Variants in SPATS2L observed in about 807,000 individuals in gnomAD.
SPATS2L encodes SPATS2-like protein.
Under a neutral mutation model 59.6 loss-of-function variants are expected in SPATS2L, and 30 were observed. The ratio of observed to expected loss-of-function variants is 0.50; its 90% CI spans 0.38 to 0.68. The LOEUF (loss-of-function observed/expected upper bound fraction) is 0.68. Ranked by LOEUF, SPATS2L falls within the 30% of genes least tolerant of loss-of-function variation. SPATS2L has a pLI of 0.00. For missense variants in SPATS2L, 615 were observed against 700.0 expected, an observed-to-expected ratio of 0.88 and a Z score of 1.37; for synonymous variants, 252 against 263.5, an observed-to-expected ratio of 0.96 and a Z score of 0.42.
intron 1 of SPATS2L, among the ~76,000 whole-genome samples, chr2:200,315,971 G>A (rs764119258): frequency 6.7e-6 from 1 of 150,322 alleles, no homozygotes. Context: ...CTTGCAGTGA[G>A]GGGAGATCGT....
chr2:200,369,583 A>G (rs939443055), intron 2 of SPATS2L, among the ~76,000 whole-genome samples: 2 of 152,162 alleles, frequency 1.3e-5, no homozygotes, highest in Admixed American at 1.3e-4. Flanking sequence ...TGAGCTGGAT[A>G]GTAAGTATAA....
chr2:200,441,876 T>G (rs1459454275), intron 8 of SPATS2L, among the ~76,000 whole-genome samples: 1 of 152,206 alleles, frequency 6.6e-6, no homozygotes, highest in Non-Finnish European at 1.5e-5. Context: ...TTCCAGGTCC[T>G]TGCTTTGACA....
chr2:200,367,492 C>G (rs116677679), intron 2 of SPATS2L, among the ~76,000 whole-genome samples: 2,786 of 152,274 alleles, frequency 0.018, 32 homozygotes, highest in South Asian at 0.035. Flanking sequence ...TCTGATGACT[C>G]AAAATCTTGG....
intron 1 of SPATS2L, among the ~76,000 whole-genome samples, chr2:200,329,011 C>A (rs1363506099): frequency 2.0e-5 from 3 of 152,172 alleles, no homozygotes; most frequent in Non-Finnish European, 4.4e-5. Context: ...TTTCCAACAC[C>A]TGTAAAGTGC....
At chr2:200,425,303 A>G (rs554255508) in intron 6 of SPATS2L, among the ~76,000 whole-genome samples, 2 of 152,142 alleles carry the variant, frequency 1.3e-5, no homozygotes, top group East Asian at 1.9e-4. Flanking sequence ...TCTAAGCCCT[A>G]TATTGGACAG....
rs1251894574 is a variant in SPATS2L, at chr2:200,314,789, A to G, written c.-73+7867A>G. ...TGGGCACTGGAAATACAGCTAGTCC[A>G]AGTTGAGATGTGCGTAAGTGTAAAA... On this transcript the variant is annotated intron_variant, in intron 1 of 12. Coordinates refer to ENST00000409140, the MANE Select transcript of SPATS2L (RefSeq NM_001100423.2). Among the ~76,000 whole-genome samples the G allele has an allele frequency of 2.6e-5, 4 of 152,252 alleles. No homozygotes were observed. The East Asian group carries it at 7.7e-4, about 29-fold the overall frequency.
intron 10 of SPATS2L, 39 bp from the exon 11 acceptor site, chr2:200,469,875 G>T: frequency 6.5e-7 from 1 of 1,535,618 alleles, no homozygotes; most frequent in Admixed American, 1.9e-5. Flanking sequence ...GGTCATTTCT[G>T]TAATCATGGG....
chr2:200,383,367 C>T (rs899828460), intron 2 of SPATS2L, among the ~76,000 whole-genome samples: 2 of 152,216 alleles, frequency 1.3e-5, no homozygotes, highest in Middle Eastern at 3.4e-3. Flanking sequence ...AACATATAGT[C>T]GATATAAAAA....
chr2:200,380,549 G>A (rs3754796), intron 2 of SPATS2L, among the ~76,000 whole-genome samples: 8,378 of 152,248 alleles, frequency 0.055, 455 homozygotes, highest in Admixed American at 0.19. Flanking sequence ...CTGAAAGCAG[G>A]CCTTTTCAAA....
chr2:200,340,594 G>A (rs996427094), intron 2 of SPATS2L, among the ~76,000 whole-genome samples: 1 of 152,062 alleles, frequency 6.6e-6, no homozygotes, highest in African/African-American at 2.4e-5. Flanking sequence ...CAGGAGGTGG[G>A]GAGGGCTGTG....
At chr2:200,454,126 C>G (rs1369969300) in intron 8 of SPATS2L, among the ~76,000 whole-genome samples, 1 of 152,214 alleles carries the variant, frequency 6.6e-6, no homozygotes, top group Admixed American at 6.5e-5. Context: ...TCCTCTCACT[C>G]TAGTCTCCCT....
At chr2:200,409,503 G>A (rs898764388) in intron 3 of SPATS2L, among the ~76,000 whole-genome samples, 1 of 152,110 alleles carries the variant, frequency 6.6e-6, no homozygotes, top group African/African-American at 2.4e-5. Flanking sequence ...CATTTCCATA[G>A]GAAAATAAAC....
rs79234921 is a variant in SPATS2L at position 200,312,734 on chromosome 2, G to A, written c.-73+5812G>A. Among the ~76,000 whole-genome samples the A allele has an allele frequency of 3.6e-3, 544 of 152,294 alleles. 5 individuals are homozygous for A. The highest frequency in any genetic ancestry group is 0.013 in the African/African-American group (524 of 41,550). On this transcript the variant is annotated intron_variant, in intron 1 of 12. Transcript: ENST00000409140. ...CCCAGGCAGTTTGCGGGCAGAAACT[G>A]CATATGCACTGAGATGAAGAAAGGA...
chr2:200,418,359 G>A (rs913319432), intron 5 of SPATS2L, among the ~76,000 whole-genome samples: 2 of 152,112 alleles, frequency 1.3e-5, no homozygotes, highest in Non-Finnish European at 2.9e-5. Flanking sequence ...AATCACTTGA[G>A]CCCAGAAGTT....
intron 1 of SPATS2L, among the ~76,000 whole-genome samples, chr2:200,311,558 G>A (rs997569233): frequency 2.0e-5 from 3 of 152,304 alleles, no homozygotes; most frequent in East Asian, 1.9e-4. Flanking sequence ...ATTTCAGACT[G>A]TATTTATTGC....
chr2:200,400,354 T>A (rs942339794), intron 3 of SPATS2L, among the ~76,000 whole-genome samples: 1 of 152,072 alleles, frequency 6.6e-6, no homozygotes, highest in Admixed American at 6.5e-5. Context: ...TCTGGGAAAA[T>A]ATGAGAAGAA....
chr2:200,458,117 C>G (rs927270012), intron 8 of SPATS2L, among the ~76,000 whole-genome samples: 1 of 152,272 alleles, frequency 6.6e-6, no homozygotes, highest in African/African-American at 2.4e-5. Flanking sequence ...AGGGGAGAAT[C>G]AAGCATTCAT....
chr2:200,352,847 A>C (rs1350301910), intron 2 of SPATS2L, among the ~76,000 whole-genome samples: 1 of 152,152 alleles, frequency 6.6e-6, no homozygotes, highest in Non-Finnish European at 1.5e-5. Flanking sequence ...AAAAACCTGC[A>C]TGTATGAGGG....
intron 12 of SPATS2L, among the ~76,000 whole-genome samples, chr2:200,474,255 G>C (rs2087319466): frequency 6.6e-6 from 1 of 151,902 alleles, no homozygotes; most frequent in African/African-American, 2.4e-5. Flanking sequence ...ATAGCACTTT[G>C]ACAAGGAGCA....
Sources: allele counts gnomAD v4.1 joint callset (sites outside exome capture counted in the v4.1 genomes callset), GRCh38; gene constraint gnomAD v4.1.1; transcripts MANE v1.5; gene names NCBI Gene and HGNC (gene_info 2026-07-23, HGNC 2026-07-21).